SMARCA5: variants seen among roughly 807,000 people sequenced by gnomAD.
The protein encoded by SMARCA5 is SWI/SNF-related matrix-associated actin-dependent regulator of chromatin subfamily A member 5.
A neutral mutation model predicts 140.4 loss-of-function variants in SMARCA5; 18 were observed. That is an observed-to-expected ratio of 0.13 (90% CI 0.09 to 0.19). The LOEUF is 0.19. SMARCA5 is among the 10% of genes least tolerant of loss of function. The pLI, the probability that SMARCA5 is intolerant of heterozygous loss-of-function variation, is 1.00. For synonymous variants in SMARCA5, 449 were observed against 419.6 expected (o/e 1.07, Z -0.86); for missense variants, 606 against 1,276.8 (o/e 0.47, Z 8.01).
intron 17 of SMARCA5, among the ~76,000 whole-genome samples, chr4:143,545,054 T>G (rs538920679): frequency 6.6e-6 from 1 of 151,476 alleles, no homozygotes; most frequent in East Asian, 2.0e-4. Context: ...GCAATTCTCC[T>G]GCCTCACCCT....
chr4:143,550,078 A>G lies in SMARCA5; in HGVS notation c.3067A>G (p.Lys1023Glu). ...ACTAGAAGAAAAGGAGAAGGCAGAG[A>G]AAAAGAAACGAGGACCAAAGCCTTC... ...MELEEKEKAE[K>E]KKRGPKPSTQ... Residue 1023 changes from lysine (K) to glutamate (E), a missense_variant, in exon 23 of 24, where the codon AAA becomes GAA. By Grantham distance (56) the Lys-to-Glu change is moderately conservative. Coordinates refer to ENST00000283131, the MANE Select transcript of SMARCA5 (RefSeq NM_003601.4). 1 of 1,583,668 alleles carries G rather than the reference A, an allele frequency of 6.3e-7. No individual in the cohort carries two copies. The highest frequency in any genetic ancestry group is 8.6e-7 in the Non-Finnish European group (1 of 1,167,846).
intron 6 of SMARCA5, among the ~76,000 whole-genome samples, chr4:143,527,615 T>C (rs1245129621): frequency 6.6e-6 from 1 of 152,220 alleles, no homozygotes; most frequent in Non-Finnish European, 1.5e-5. Flanking sequence ...AGAAAGACAT[T>C]TTAAGTGTCT....
chr4:143,546,031 A>G lies in SMARCA5; in HGVS notation c.2504A>G (p.Glu835Gly). 1 of 1,602,352 alleles carries G rather than the reference A, an allele frequency of 6.2e-7. No homozygotes were observed. Among genetic ancestry groups the G allele is most frequent in the Non-Finnish European group, 8.5e-7 (1 of 1,176,076 alleles). Residue 835 changes from glutamate to glycine, a missense_variant, in exon 19 of 24, where the codon GAG becomes GGG. Around this residue, in one of 10 missense-constraint regions of SMARCA5, gnomAD observed 121 missense variants for 227.1 expected, o/e 0.53. Transcript: ENST00000283131. Reference protein sequence around the residue: ...SLNDEELEEKEKLLTQGFTNW... With the variant: ...SLNDEELEEKGKLLTQGFTNW... ...AATGATGAAGAGTTAGAGGAAAAAGAGAAGCTTCTAACACAGGTATAGCCT... is the reference window on the plus strand; with the variant it reads ...AATGATGAAGAGTTAGAGGAAAAAGGGAAGCTTCTAACACAGGTATAGCCT...
chr4:143,520,391 C>T (rs550443993), intron 2 of SMARCA5, among the ~76,000 whole-genome samples: 1 of 152,304 alleles, frequency 6.6e-6, no homozygotes, highest in East Asian at 1.9e-4. Flanking sequence ...TGTTCACAGT[C>T]TTGTTACTGT....
intron 11 of SMARCA5, among the ~76,000 whole-genome samples, 156 bp downstream of exon 11, chr4:143,536,834 C>G (rs6855207): frequency 6.6e-6 from 1 of 151,906 alleles, no homozygotes; most frequent in African/African-American, 2.4e-5. Context: ...CTAACCCCCA[C>G]TCCTGATTTT....
At chr4:143,538,968 G>C in intron 13 of SMARCA5, 30 bp downstream of exon 13, 1 of 1,595,640 alleles carries the variant, frequency 6.3e-7, no homozygotes, top group Non-Finnish European at 8.6e-7. Flanking sequence ...TATATTCTGT[G>C]CTTAGTAGAT....
chr4:143,516,458 TG>T (rs1736838890), intron 1 of SMARCA5, among the ~76,000 whole-genome samples: 1 of 152,180 alleles, frequency 6.6e-6, no homozygotes, highest in Non-Finnish European at 1.5e-5. Flanking sequence ...TTTTGTAGGT[TG>T]CATTTCATGG....
chr4:143,536,071 G>A (rs144325717), intron 10 of SMARCA5, among the ~76,000 whole-genome samples: 1,750 of 152,142 alleles, frequency 0.012, 11 homozygotes, highest in South Asian at 0.03. Context: ...TATAGTAATC[G>A]AATAGTGGCA....
At chr4:143,514,883 T>C (rs1736794960) in intron 1 of SMARCA5, among the ~76,000 whole-genome samples, 1 of 151,442 alleles carries the variant, frequency 6.6e-6, no homozygotes, top group African/African-American at 2.4e-5. Flanking sequence ...AAAAAAAAAT[T>C]AGTACCACTC....
chr4:143,514,293 G>T, intron 1 of SMARCA5, 192 bp downstream of exon 1: 1 of 533,704 alleles, frequency 1.9e-6, no homozygotes, highest in South Asian at 2.8e-5. Context: ...TAAGCAAAAT[G>T]GATTTCTGGC....
chr4:143,522,101 G>A lies in SMARCA5; in HGVS notation c.419+506G>A, dbSNP rs115533718. On this transcript the variant is annotated intron_variant, in intron 3 of 23. Transcript: ENST00000283131. ...CAGACTTGAATTTGAATCTGACTTG[G>A]GTGTGCTCTAGGCTCCTCCATCACA... 1.9e-3 allele frequency among the ~76,000 whole-genome samples: 287 copies of A among 152,044 alleles called. 1 individual carries two copies. Among genetic ancestry groups the A allele is most frequent in the African/African-American group, 6.6e-3 (272 of 41,460 alleles).
intron 18 of SMARCA5, 41 bp downstream of exon 18, chr4:143,545,624 A>G: frequency 8.5e-7 from 1 of 1,170,060 alleles, no homozygotes; most frequent in Non-Finnish European, 1.3e-6. Context: ...TCCTATCCAG[A>G]AATTATGGAA....
At chr4:143,542,703 T>C (rs1737453312) in intron 14 of SMARCA5, among the ~76,000 whole-genome samples, 1 of 152,162 alleles carries the variant, frequency 6.6e-6, no homozygotes, top group Non-Finnish European at 1.5e-5. Context: ...AACAAGTCTT[T>C]CTGGGTTTTT....
chr4:143,544,277 T>C (rs1342338987), intron 16 of SMARCA5: 1 of 191,694 alleles, frequency 5.2e-6, no homozygotes, highest in Admixed American at 6.0e-5. Context: ...ACAGCAGAAT[T>C]GGCTGGTAAT....
At chr4:143,541,004 T>C (rs1419300366) in intron 14 of SMARCA5, among the ~76,000 whole-genome samples, 1 of 152,176 alleles carries the variant, frequency 6.6e-6, no homozygotes, top group Non-Finnish European at 1.5e-5. Context: ...CAGTGGTAAA[T>C]GGAACAAACA....
At chr4:143,521,794 T>A (rs1163513949) in intron 3 of SMARCA5, among the ~76,000 whole-genome samples, 199 bp downstream of exon 3, 1 of 149,544 alleles carries the variant, frequency 6.7e-6, no homozygotes, top group Non-Finnish European at 1.5e-5. Flanking sequence ...CAGTGGCTCT[T>A]GCCTGTAATC....
chr4:143,513,957 G>A lies in SMARCA5; in HGVS notation c.33G>A (p.Pro11=). The A allele has an allele frequency of 6.4e-7, 1 of 1,552,334 alleles. No individual in the cohort carries two copies. The highest frequency in any genetic ancestry group is 8.6e-7 in the Non-Finnish European group (1 of 1,156,230). The change falls in exon 1 of 24, where the codon CCG becomes CCA. Residue 11 remains proline, a synonymous_variant. Transcript: ENST00000283131. MSSAAEPPPP[P]PPESAPSKPA... is the part of the protein sequence containing the mutation. ...CCGCGGCCGAGCCTCCGCCACCCCC[G>A]CCTCCCGAGAGCGCGCCTTCCAAGC... is the stretch of plus-strand genomic sequence containing the variant.
At position 143,556,196 on chromosome 4, in the gene SMARCA5, TTTCAG is replaced by T. The variant is rs1737749189; in HGVS notation, c.*3013_*3017del. On this transcript the variant is annotated 3_prime_UTR_variant, in exon 24 of 24. Coordinates refer to ENST00000283131, the MANE Select transcript of SMARCA5 (RefSeq NM_003601.4). The stretch of plus-strand genomic sequence containing the variant: ...CTAAAAACACTTCTGGTTCCAGGCA[TTTCAG>T]ATAAGGATTGCTCCATCTGCCCTTT... 1 of 152,208 alleles carries T rather than the reference TTTCAG, an allele frequency of 6.6e-6. No individual in the cohort carries two copies. Among genetic ancestry groups the T allele is most frequent in the Admixed American group, 6.5e-5 (1 of 15,282 alleles). The allele number at this position is 152,208 out of a possible 1,614,324, so 9.4% of individuals were successfully genotyped here. A position where few individuals can be genotyped will look rare whatever the true frequency, so the allele number is the denominator to read the frequency against.
At chr4:143,532,169 G>C (rs1320917578) in intron 9 of SMARCA5, among the ~76,000 whole-genome samples, 2 of 152,144 alleles carry the variant, frequency 1.3e-5, no homozygotes, top group Non-Finnish European at 2.9e-5. Flanking sequence ...AATATTGAGA[G>C]TTTTGTTAAA....
Sources: gnomAD v4.1 joint callset for allele counts (sites outside exome capture counted in the v4.1 genomes callset) on GRCh38, gnomAD v4.1.1 for gene constraint, gnomAD v4.1.1 regional missense constraint, MANE v1.5 for transcripts, NCBI Gene and HGNC (gene_info 2026-07-23, HGNC 2026-07-21) for gene names.